RNF135: variants seen among roughly 807,000 people sequenced by gnomAD.
RNF135 encodes ring finger protein 135.
Under a neutral mutation model 41.9 loss-of-function variants are expected in RNF135, and 46 were observed. The observed-to-expected ratio is 1.10, with a 90% CI of 0.87 to 1.40. RNF135 has a LOEUF of 1.40. Among genes scored for constraint, RNF135 ranks in the 40% most tolerant of loss-of-function variants. RNF135 has a pLI of 0.00. For synonymous variants in RNF135, 238 were observed against 223.8 expected (o/e 1.06, Z -0.57); for missense variants, 539 against 549.8 (o/e 0.98, Z 0.20).
intron 1 of RNF135, among the ~76,000 whole-genome samples, chr17:30,981,953 C>T (rs916574950): frequency 4.6e-5 from 7 of 152,228 alleles, no homozygotes; most frequent in Non-Finnish European, 7.3e-5. Flanking sequence ...ACAGAAGCAC[C>T]TTGTGGCCAT....
At chr17:30,981,888 G>T (rs1007079505) in intron 1 of RNF135, among the ~76,000 whole-genome samples, 1 of 152,210 alleles carries the variant, frequency 6.6e-6, no homozygotes, top group Non-Finnish European at 1.5e-5. Context: ...CTTCTCATAC[G>T]TTCTCCAAAA....
At position 30,980,842 on chromosome 17, in the gene RNF135, G is replaced by A. The variant is rs982361441; in HGVS notation, c.373-3775G>A. On this transcript the variant is annotated intron_variant, in intron 1 of 4. Transcript: ENST00000328381. ...GAGGCGCTCCTCGCTTCCTAGATGG[G>A]ATGGCGGCCGGGCAGAGACGCTCCT... Among the ~76,000 whole-genome samples, 252 of 149,170 alleles carry A rather than the reference G, an allele frequency of 1.7e-3. 1 individual carries two copies. Among genetic ancestry groups the A allele is most frequent in the Admixed American group, 4.2e-3 (63 of 15,072 alleles).
Position 30,988,116 on chromosome 17 carries a change from T to C in RNF135, c.679+10T>C, listed in dbSNP as rs778111229. 6.2e-7 allele frequency: 1 copy of C among 1,613,550 alleles called. No homozygotes were observed. The highest frequency in any genetic ancestry group is 8.5e-7 in the Non-Finnish European group (1 of 1,179,560). The stretch of plus-strand genomic sequence containing the variant: ...GAAGCACAAATGCAGGGTGAGCTGA[T>C]CTTATTTATTGGAGGAGGATTAAAT... On this transcript the variant is annotated intron_variant, in intron 3 of 4. Coordinates refer to ENST00000328381, the MANE Select transcript of RNF135 (RefSeq NM_032322.4).
chr17:30,983,353 A>ATATATATATATATATTTTT (rs1420453160), intron 1 of RNF135, among the ~76,000 whole-genome samples: 18 of 35,704 alleles, frequency 5.0e-4, no homozygotes, highest in Non-Finnish European at 8.6e-4. Context: ...ATATATATAT[A>ATATATATATATATATTTTT]TTTTTTTTTT....
chr17:30,989,026 T>C (rs1412480507), intron 3 of RNF135, among the ~76,000 whole-genome samples: 61 of 147,646 alleles, frequency 4.1e-4, no homozygotes, highest in African/African-American at 1.4e-3. Context: ...TCCCAAAGTG[T>C]TGGGATTACA....
rs1231379198 is a variant in RNF135 at position 30,971,178 on chromosome 17, C to T, written c.105C>T (p.Pro35=). 1 of 1,528,042 alleles carries T rather than the reference C, an allele frequency of 6.5e-7. No homozygotes were observed. The highest frequency in any genetic ancestry group is 2.0e-5 in the Admixed American group (1 of 50,616). The allele number at this position is 1,528,042 out of a possible 1,614,324, so 94.7% of individuals were successfully genotyped here. ...QGLLDWPATL[P]CGHSFCRHCL... is the part of the protein sequence containing the mutation. ...TGCTGGACTGGCCCGCCACGCTGCC[C>T]TGCGGCCACAGCTTCTGCCGCCACT... Residue 35 remains proline, a synonymous_variant, in exon 1 of 5, where the codon CCC becomes CCT. Coordinates refer to ENST00000328381, the MANE Select transcript of RNF135 (RefSeq NM_032322.4).
Position 30,999,310 on chromosome 17 carries a change from C to T in RNF135, c.*119C>T. ...AAAAATTACGATAGAGATGGGATCTCACTAGGTTGCCCAGGCTGGTGTCGA... is the reference window on the plus strand; with the variant it reads ...AAAAATTACGATAGAGATGGGATCTTACTAGGTTGCCCAGGCTGGTGTCGA... On this transcript the variant is annotated 3_prime_UTR_variant, in exon 5 of 5. Transcript: ENST00000328381. The T allele has an allele frequency of 2.6e-6, 3 of 1,141,054 alleles. No homozygotes were observed. The highest frequency in any genetic ancestry group is 3.8e-6 in the Non-Finnish European group (3 of 789,890). 70.7% of individuals were successfully genotyped at this position (1,141,054 alleles called of 1,614,324 possible).
chr17:30,975,656 C>T lies in RNF135; in HGVS notation c.372+4211C>T. ...ACAAGAAACTCCACAACCGCCAATA[C>T]CGGAGGGTGGAGTCACCACCAGTGT... On this transcript the variant is annotated intron_variant, in intron 1 of 4. Coordinates refer to ENST00000328381, the MANE Select transcript of RNF135 (RefSeq NM_032322.4). The T allele has an allele frequency of 2.3e-6, 3 of 1,281,872 alleles. No individual in the cohort carries two copies. The South Asian group carries it at 3.6e-5, about 15-fold the overall frequency. 79.4% of individuals were successfully genotyped at this position (1,281,872 alleles called of 1,614,324 possible). A position where few individuals can be genotyped will look rare whatever the true frequency, so the allele number is the denominator to read the frequency against.
intron 1 of RNF135, among the ~76,000 whole-genome samples, chr17:30,977,689 C>T (rs1045603542): frequency 1.3e-5 from 2 of 151,814 alleles, no homozygotes; most frequent in Non-Finnish European, 2.9e-5. Flanking sequence ...CTGCCGCAGC[C>T]TCTGGAGTAG....
chr17:30,973,714 C>T (rs1598076876), intron 1 of RNF135, among the ~76,000 whole-genome samples: 1 of 152,178 alleles, frequency 6.6e-6, no homozygotes, highest in South Asian at 2.1e-4. Flanking sequence ...GATCTGCCTA[C>T]CTTGGCCTCC....
At chr17:30,983,632 C>A (rs1365016535) in intron 1 of RNF135, among the ~76,000 whole-genome samples, 1 of 151,540 alleles carries the variant, frequency 6.6e-6, no homozygotes, top group Non-Finnish European at 1.5e-5. Flanking sequence ...GGGATTACAG[C>A]CATGAGCTAT....
upstream of RNF135, among the ~76,000 whole-genome samples, chr17:30,969,821 G>A (rs148256049): frequency 5.4e-3 from 775 of 143,622 alleles, 11 homozygotes; most frequent in African/African-American, 0.019. Flanking sequence ...CTGGAGTGCA[G>A]TGGCGCAGTC....
chr17:30,991,787 G>A (rs940060024), intron 3 of RNF135, among the ~76,000 whole-genome samples: 1 of 152,022 alleles, frequency 6.6e-6, no homozygotes, highest in Non-Finnish European at 1.5e-5. Context: ...TTTAAAAATT[G>A]ACATTTAGGA....
upstream of RNF135, among the ~76,000 whole-genome samples, chr17:30,969,713 A>C (rs372993876): frequency 1.3e-5 from 2 of 151,988 alleles, no homozygotes; most frequent in Non-Finnish European, 2.9e-5. Context: ...CCAGTATTAG[A>C]AATAACCACA....
upstream of RNF135, chr17:30,970,498 C>T (rs1305172814): frequency 6.5e-6 from 1 of 153,912 alleles, no homozygotes; most frequent in African/African-American, 2.4e-5. Flanking sequence ...ACAAAATACC[C>T]GTGCTCCACC....
rs1255952234 is a variant in RNF135 at position 30,999,275 on chromosome 17, C to T, written c.*84C>T. Reference sequence around the variant, plus strand: ...GGGTAGTAACTTGACTTAAGAATACCACTTTTTAGAAAAATTACGATAGAG... The same window carrying T: ...GGGTAGTAACTTGACTTAAGAATACTACTTTTTAGAAAAATTACGATAGAG... On this transcript the variant is annotated 3_prime_UTR_variant, in exon 5 of 5. Transcript: ENST00000328381. 1.4e-6 allele frequency: 2 copies of T among 1,452,338 alleles called. No homozygotes were observed. The highest frequency in any genetic ancestry group is 1.4e-5 in the African/African-American group (1 of 71,680). The allele number at this position is 1,452,338 out of a possible 1,614,324, so 90.0% of individuals were successfully genotyped here.
chr17:30,970,775 A>C, upstream of RNF135: 1 of 493,030 alleles, frequency 2.0e-6, no homozygotes, highest in Non-Finnish European at 3.6e-6. Flanking sequence ...TAATGGAGGG[A>C]CATCCAGCTA....
At chr17:30,966,515 G>C (rs1454042086), upstream of RNF135, among the ~76,000 whole-genome samples, 1 of 143,798 alleles carries the variant, frequency 7.0e-6, no homozygotes, top group Non-Finnish European at 1.5e-5. Context: ...TTTTGTTTTT[G>C]AGATGGAGTC....
At chr17:30,990,047 A>G (rs1907882273) in intron 3 of RNF135, among the ~76,000 whole-genome samples, 2 of 152,074 alleles carry the variant, frequency 1.3e-5, no homozygotes, top group African/African-American at 2.4e-5. Context: ...ATTCCTTGGA[A>G]AAAGTTTCTT....
Sources: gnomAD v4.1 joint callset for allele counts (sites outside exome capture counted in the v4.1 genomes callset) on GRCh38, gnomAD v4.1.1 for gene constraint, MANE v1.5 for transcripts, NCBI Gene and HGNC (gene_info 2026-07-23, HGNC 2026-07-21) for gene names.